Variants in ULBP2 observed in about 807,000 individuals in gnomAD.
ULBP2 encodes the protein UL16-binding protein 2.
A neutral mutation model predicts 23.6 loss-of-function variants in ULBP2; 21 were observed. That is an observed-to-expected ratio of 0.89 (90% CI 0.63 to 1.28). The LOEUF (loss-of-function observed/expected upper bound fraction) is 1.28, where lower values mean the gene tolerates loss of function less well. Among genes scored for constraint, ULBP2 ranks in the 50% most tolerant of loss-of-function variants. The probability of loss-of-function intolerance (pLI) is 0.00; values close to 1 mark genes in which losing one functional copy is unlikely to be tolerated. For synonymous variants in ULBP2, 82 were observed against 112.8 expected (o/e 0.73, Z 1.73); for missense variants, 251 against 306.0 (o/e 0.82, Z 1.34).
chr6:149,943,878 G>T (rs2114682260), intron 1 of ULBP2, among the ~76,000 whole-genome samples: 1 of 152,040 alleles, frequency 6.6e-6, no homozygotes, highest in Non-Finnish European at 1.5e-5. Context: ...GGGTCTTAGG[G>T]GGTCTTGGGT....
chr6:149,945,694 G>A, intron 2 of ULBP2, 122 bp downstream of exon 2: 1 of 1,571,960 alleles, frequency 6.4e-7, no homozygotes, highest in Non-Finnish European at 8.7e-7. Flanking sequence ...TGTAGTCCCA[G>A]CACTTTGTGA....
intron 2 of ULBP2, 132 bp from the exon 3 acceptor site, chr6:149,946,240 T>C: frequency 6.1e-6 from 7 of 1,140,006 alleles, no homozygotes; most frequent in Non-Finnish European, 8.7e-6. Context: ...GGGAAGGTCA[T>C]CATACCCCTC....
In ULBP2 at chr6:149,945,373, T is replaced by A; in HGVS notation, c.150T>A (p.Cys50Ter). ...IPKFRPGPRW[C>*]AVQGQVDEKT... ...AGTTCAGACCTGGACCACGGTGGTG[T>A]GCGGTTCAAGGCCAGGTGGATGAAA... The change falls in exon 2 of 5, where the codon TGT becomes TGA. Residue 50 changes from cysteine to a stop codon, truncating the protein, a stop_gained. Coordinates refer to ENST00000367351, the MANE Select transcript of ULBP2 (RefSeq NM_025217.4). LOFTEE classifies it high-confidence loss of function. 6.2e-7 allele frequency: 1 copy of A among 1,612,600 alleles called. No homozygotes were observed. The highest frequency in any genetic ancestry group is 8.5e-7 in the Non-Finnish European group (1 of 1,179,854).
In ULBP2 at chr6:149,946,474, T is replaced by A. The variant is rs760618281; in HGVS notation, c.452T>A (p.Phe151Tyr). The change falls in exon 3 of 5, where the codon TTT (phenylalanine) becomes TAT (tyrosine). Residue 151 changes from phenylalanine (F) to tyrosine (Y), a missense_variant. Physicochemically the swap from Phe to Tyr is conservative, Grantham distance 22. This residue lies in a region of ULBP2 where 248 missense variants were observed against 258.9 expected (regional missense o/e 0.96). Coordinates refer to ENST00000367351, the MANE Select transcript of ULBP2 (RefSeq NM_025217.4). Reference sequence around the variant, plus strand: ...TTCGATGGGCAGATCTTCCTCCTCTTTGACTCAGAGAAGAGAATGTGGACA... The same window carrying A: ...TTCGATGGGCAGATCTTCCTCCTCTATGACTCAGAGAAGAGAATGTGGACA... ...FSFDGQIFLLFDSEKRMWTTV... is the reference protein window; with the variant it reads ...FSFDGQIFLLYDSEKRMWTTV... The A allele has an allele frequency of 6.2e-7, 1 of 1,614,112 alleles. No homozygotes were observed. Among genetic ancestry groups the A allele is most frequent in the Admixed American group, 1.7e-5 (1 of 60,012 alleles).
rs779232274 is a variant in ULBP2, at chr6:149,946,352, T to A, written c.350-20T>A. ...CAAAATTTGTCAAGATCAGAGCTGA[T>A]CTCTCTCTGATGGGGGCAGAACCCC... On this transcript the variant is annotated intron_variant, in intron 2 of 4. Transcript: ENST00000367351. 1.9e-6 allele frequency: 3 copies of A among 1,604,756 alleles called. No individual in the cohort carries two copies. The highest frequency in any genetic ancestry group is 2.6e-6 in the Non-Finnish European group (3 of 1,173,538).
At chr6:149,943,922 A>T (rs535122923) in intron 1 of ULBP2, among the ~76,000 whole-genome samples, 5 of 151,942 alleles carry the variant, frequency 3.3e-5, no homozygotes, top group South Asian at 4.1e-4. Flanking sequence ...AGCCTCGCTC[A>T]TCATGCATGG....
At chr6:149,946,721 T>C (rs763867280) in intron 3 of ULBP2, 68 bp downstream of exon 3, 18 of 1,595,108 alleles carry the variant, frequency 1.1e-5, no homozygotes, top group Non-Finnish European at 1.5e-5. Flanking sequence ...AAGTTAGTTC[T>C]TGAGTTCAGC....
Position 149,946,614 on chromosome 6 carries a change from T to C in ULBP2, c.592T>C (p.Leu198=). The C allele has an allele frequency of 3.1e-6, 5 of 1,614,180 alleles. No homozygotes were observed. The highest frequency in any genetic ancestry group is 1.3e-5 in the African/African-American group (1 of 75,026). Residue 198 remains leucine (L), a synonymous_variant, in exon 3 of 5, where the codon TTG becomes CTG. Transcript: ENST00000367351. The part of the protein sequence containing the change: ...GDCIGWLEDF[L]MGMDSTLEPS... ...CTGTATAGGATGGCTTGAGGACTTC[T>C]TGATGGGCATGGACAGCACCCTGGA...
intron 1 of ULBP2, among the ~76,000 whole-genome samples, chr6:149,943,700 A>G (rs1370835186): frequency 1.3e-5 from 2 of 151,738 alleles, no homozygotes; most frequent in African/African-American, 4.9e-5. Flanking sequence ...GGCCTTCTTT[A>G]TATGCATGGC....
At position 149,945,469 on chromosome 6, in the gene ULBP2, T is replaced by G; in HGVS notation, c.246T>G (p.Asn82Lys). ...TCAGTCCCCTGGGGAAGAAACTAAATGTCACAACGGCCTGGAAAGCACAGA... is the reference window on the plus strand; with the variant it reads ...TCAGTCCCCTGGGGAAGAAACTAAAGGTCACAACGGCCTGGAAAGCACAGA... ...TPVSPLGKKLNVTTAWKAQNP... is the reference protein window; with the variant it reads ...TPVSPLGKKLKVTTAWKAQNP... Residue 82 changes from asparagine (N) to lysine (K), a missense_variant, in exon 2 of 5, where the codon AAT becomes AAG. Transcript: ENST00000367351. 6.2e-7 allele frequency: 1 copy of G among 1,613,994 alleles called. No homozygotes were observed. Among genetic ancestry groups the G allele is most frequent in the South Asian group, 1.1e-5 (1 of 91,084 alleles).
chr6:149,943,962 A>G (rs1778900452), intron 1 of ULBP2, among the ~76,000 whole-genome samples: 1 of 151,948 alleles, frequency 6.6e-6, no homozygotes, highest in African/African-American at 2.4e-5. Context: ...GAACTTCAAC[A>G]GCAGAGTTGA....
Position 149,948,940 on chromosome 6 carries a change from T to C in ULBP2, c.*240T>C. 6.8e-6 allele frequency: 2 copies of C among 292,514 alleles called. No homozygotes were observed. The highest frequency in any genetic ancestry group is 5.8e-5 in the South Asian group (2 of 34,426). 18.1% of individuals were successfully genotyped at this position (292,514 alleles called of 1,614,324 possible). On this transcript the variant is annotated 3_prime_UTR_variant, in exon 5 of 5. Transcript: ENST00000367351. The stretch of plus-strand genomic sequence containing the variant: ...ATATTATGCAATTTTCTCTTGGTGC[T>C]ACCTGATGGAATTCCTGCACTTAAA...
intron 1 of ULBP2, among the ~76,000 whole-genome samples, 178 bp downstream of exon 1, chr6:149,942,335 T>G (rs1778875868): frequency 6.6e-6 from 1 of 152,140 alleles, no homozygotes; most frequent in Non-Finnish European, 1.5e-5. Flanking sequence ...CGAGGCTGCT[T>G]CTTGCCCGGG....
rs1409597936 is a variant in ULBP2, at chr6:149,942,062, C to T, written c.-11C>T. The T allele has an allele frequency of 6.8e-6, 11 of 1,612,880 alleles. No homozygotes were observed. The highest frequency in any genetic ancestry group is 8.5e-6 in the Non-Finnish European group (10 of 1,179,536). ...CATCAAGTCTCTCATCCCTAGCGCTCTGGGTCCTTAATGGCAGCAGCCGCC... is the reference window on the plus strand; with the variant it reads ...CATCAAGTCTCTCATCCCTAGCGCTTTGGGTCCTTAATGGCAGCAGCCGCC... On this transcript the variant is annotated 5_prime_UTR_variant, in exon 1 of 5. Transcript: ENST00000367351.
chr6:149,944,408 C>T (rs1239432436), intron 1 of ULBP2, among the ~76,000 whole-genome samples: 1 of 149,490 alleles, frequency 6.7e-6, no homozygotes, highest in Non-Finnish European at 1.5e-5. Context: ...ATTGCACCCT[C>T]CTTGCTCCTG....
In ULBP2 at chr6:149,942,142, C is replaced by T. The variant is rs765380080; in HGVS notation, c.70C>T (p.Arg24Trp). The T allele has an allele frequency of 2.5e-6, 4 of 1,605,938 alleles. No homozygotes were observed. Among genetic ancestry groups the T allele is most frequent in the South Asian group, 2.2e-5 (2 of 90,190 alleles). The change falls in exon 1 of 5, where the codon CGG becomes TGG. Residue 24 changes from arginine (R) to tryptophan (W), a missense_variant. Physicochemically the swap from Arg to Trp is moderately radical, Grantham distance 101. Around this residue, in one of 2 missense-constraint regions of ULBP2, gnomAD observed 248 missense variants for 258.9 expected, o/e 0.96. Coordinates refer to ENST00000367351, the MANE Select transcript of ULBP2 (RefSeq NM_025217.4). The part of the protein sequence containing the change: ...PLLLLLSGWS[R>W]AGRADPHSLC... ...TCTGCTCCTGCTGTCCGGCTGGTCC[C>T]GGGCTGGGCGAGCCGGTGAGTTCGT...
At chr6:149,943,989 A>T (rs1432485372) in intron 1 of ULBP2, among the ~76,000 whole-genome samples, 1 of 151,950 alleles carries the variant, frequency 6.6e-6, no homozygotes, top group Non-Finnish European at 1.5e-5. Flanking sequence ...ACAATGGAGA[A>T]TATATTCCCT....
At position 149,948,804 on chromosome 6, in the gene ULBP2, A is replaced by G. The variant is rs148836273; in HGVS notation, c.*104A>G. 8.1e-5 allele frequency: 37 copies of G among 456,684 alleles called. No homozygotes were observed. The Admixed American group carries it at 8.7e-4, about 11-fold the overall frequency. 28.3% of individuals were successfully genotyped at this position (456,684 alleles called of 1,614,324 possible). The stretch of plus-strand genomic sequence containing the variant: ...CTGTCTGGCCAGCTGCCCACGACCT[A>G]CGGTGTATGTCCAGTGGCCTCCAGC... On this transcript the variant is annotated 3_prime_UTR_variant, in exon 5 of 5. Coordinates refer to ENST00000367351, the MANE Select transcript of ULBP2 (RefSeq NM_025217.4).
chr6:149,943,605 T>C (rs1193704789), intron 1 of ULBP2, among the ~76,000 whole-genome samples: 1 of 152,132 alleles, frequency 6.6e-6, no homozygotes, highest in Non-Finnish European at 1.5e-5. Flanking sequence ...ACCTAGAGGG[T>C]GAGGAGCCCA....
Sources: allele counts gnomAD v4.1 joint callset (sites outside exome capture counted in the v4.1 genomes callset), GRCh38; gene constraint gnomAD v4.1.1; regional missense constraint gnomAD v4.1.1; transcripts MANE v1.5; gene names NCBI Gene and HGNC (gene_info 2026-07-23, HGNC 2026-07-21).